The following MYCBPAP variants were observed in gnomAD, a reference collection of about 807,000 sequenced individuals.
MYCBPAP encodes MYCBP associated protein.
Under a neutral mutation model 106.1 loss-of-function variants are expected in MYCBPAP, and 60 were observed. The observed-to-expected ratio is 0.57, with a 90% CI of 0.46 to 0.70. The LOEUF is 0.70. MYCBPAP is among the 30% of genes least tolerant of loss of function. The pLI, the probability that MYCBPAP is intolerant of heterozygous loss-of-function variation, is 0.00. For synonymous variants in MYCBPAP, 407 were observed against 440.6 expected (o/e 0.92, Z 0.95); for missense variants, 1,064 against 1,169.3 (o/e 0.91, Z 1.31).
chr17:50,508,294 A>T, upstream of MYCBPAP: 1 of 407,736 alleles, frequency 2.5e-6, no homozygotes, highest in Non-Finnish European at 4.3e-6. Flanking sequence ...CGGGTCATGC[A>T]CCCCTACCAG....
chr17:50,529,102 G>T lies in MYCBPAP; in HGVS notation c.2638G>T (p.Asp880Tyr). The T allele has an allele frequency of 6.2e-7, 1 of 1,614,020 alleles. No individual in the cohort carries two copies. The highest frequency in any genetic ancestry group is 1.1e-5 in the South Asian group (1 of 91,066). ...SASQDRFSLE[D>Y]PTPDIILSSQ... ...AAGTCAGGACAGGTTTTCTTTGGAA[G>T]ACCCTACCCCTGACATCATCCTCTC... The change falls in exon 18 of 19, where the codon GAC becomes TAC. Residue 880 changes from aspartate (D) to tyrosine (Y), a missense_variant. Transcript: ENST00000323776.
chr17:50,510,576 A>G (rs1253027218), intron 1 of MYCBPAP, among the ~76,000 whole-genome samples: 1 of 140,908 alleles, frequency 7.1e-6, no homozygotes, highest in Non-Finnish European at 1.5e-5. Context: ...CCCGGGATGG[A>G]GTGCCGTGGT....
At chr17:50,527,137 G>T in intron 14 of MYCBPAP, 150 bp from the exon 15 acceptor site, 1 of 1,075,046 alleles carries the variant, frequency 9.3e-7, no homozygotes, top group East Asian at 2.5e-5. Flanking sequence ...GGGGTCCCTG[G>T]CTCCCACCAA....
At chr17:50,518,894 G>C in intron 5 of MYCBPAP, 80 bp from the exon 6 acceptor site, 1 of 1,466,636 alleles carries the variant, frequency 6.8e-7, no homozygotes, top group Non-Finnish European at 9.5e-7. Flanking sequence ...CCCTGTGAGG[G>C]AGGCTGCCCG....
chr17:50,523,124 G>A lies in MYCBPAP; in HGVS notation c.1443G>A (p.Arg481=). Residue 481 remains arginine, a synonymous_variant, in exon 11 of 19, where the codon CGG becomes CGA. Transcript: ENST00000323776. ...NRMQRFYFDN[R]EGVILPGEIK... ...TGCAGCGATTTTACTTTGACAACCG[G>A]GAAGGTACTCGGGAGAAGCCACCCT... 2 of 1,613,250 alleles carry A rather than the reference G, an allele frequency of 1.2e-6. No individual in the cohort carries two copies. Among genetic ancestry groups the A allele is most frequent in the South Asian group, 1.1e-5 (1 of 91,044 alleles).
rs755267050 is a variant in MYCBPAP at position 50,523,701 on chromosome 17, T to G, written c.1552T>G (p.Leu518Val). The G allele has an allele frequency of 1.2e-6, 2 of 1,614,098 alleles. No individual in the cohort carries two copies. Among genetic ancestry groups the G allele is most frequent in the Admixed American group, 1.7e-5 (1 of 60,006 alleles). The change falls in exon 12 of 19, where the codon TTA becomes GTA. Residue 518 changes from leucine to valine, a missense_variant. Coordinates refer to ENST00000323776, the MANE Select transcript of MYCBPAP (RefSeq NM_032133.6). ...GGAGTTTCGAACCCATCCTACTCTA[T>G]TAGGAGGTGCTATACTGCAGGTCAA... The part of the protein sequence containing the change: ...FWEFRTHPTL[L>V]GGAILQVNLH...
chr17:50,527,534 C>A, intron 15 of MYCBPAP, 126 bp downstream of exon 15: 1 of 1,266,868 alleles, frequency 7.9e-7, no homozygotes, highest in Non-Finnish European at 1.1e-6. Context: ...CTAGAGCATG[C>A]CGCAAACATT....
chr17:50,510,932 C>T (rs548037628), intron 1 of MYCBPAP, among the ~76,000 whole-genome samples: 28 of 151,846 alleles, frequency 1.8e-4, no homozygotes, highest in African/African-American at 3.6e-4. Flanking sequence ...TCTGGGAGAT[C>T]GTATCAGATT....
chr17:50,531,260 G>C, intron 18 of MYCBPAP, 67 bp from the exon 19 acceptor site: 2 of 982,576 alleles, frequency 2.0e-6, no homozygotes, highest in Non-Finnish European at 3.0e-6. Flanking sequence ...TTCTCTCACA[G>C]CATAGTTCAT....
chr17:50,521,876 T>G, intron 9 of MYCBPAP, 97 bp from the exon 10 acceptor site: 1 of 1,075,168 alleles, frequency 9.3e-7, no homozygotes, highest in Non-Finnish European at 1.4e-6. Context: ...GTAGAGCTGG[T>G]TGTGTTTCTA....
At chr17:50,517,265 A>T (rs1244812435) in intron 2 of MYCBPAP, 28 bp from the exon 3 acceptor site, 7 of 1,610,286 alleles carry the variant, frequency 4.3e-6, no homozygotes, top group Middle Eastern at 1.6e-4. Flanking sequence ...CCACAGGTGG[A>T]ATTCTCCTTT....
At chr17:50,521,063 G>A in intron 7 of MYCBPAP, 47 bp from the exon 8 acceptor site, 2 of 1,496,122 alleles carry the variant, frequency 1.3e-6, no homozygotes, top group Non-Finnish European at 1.8e-6. Flanking sequence ...GGTGAGCAAG[G>A]GGACATGGCA....
At chr17:50,519,533 C>G in intron 6 of MYCBPAP, 107 bp from the exon 7 acceptor site, 1 of 1,331,080 alleles carries the variant, frequency 7.5e-7, no homozygotes, top group Non-Finnish European at 1.0e-6. Flanking sequence ...ATGAATTCCC[C>G]AGAGGAAGCA....
In MYCBPAP at chr17:50,527,202, C is replaced by T. The variant is rs2034489683; in HGVS notation, c.2170-85C>T. On this transcript the variant is annotated intron_variant, in intron 14 of 18. Transcript: ENST00000323776. Reference sequence around the variant, plus strand: ...TCCCCTCCTGGTTCCTGGTCCCCTGCCACCCATCCCCACATCACCATGCCC... The same window carrying T: ...TCCCCTCCTGGTTCCTGGTCCCCTGTCACCCATCCCCACATCACCATGCCC... 2.6e-6 allele frequency: 4 copies of T among 1,566,606 alleles called. No homozygotes were observed. In the African/African-American group the frequency reaches 4.1e-5, roughly 16 times the overall value.
chr17:50,521,594 T>C (rs531447225), intron 9 of MYCBPAP, among the ~76,000 whole-genome samples, 163 bp downstream of exon 9: 2 of 152,308 alleles, frequency 1.3e-5, no homozygotes, highest in African/African-American at 4.8e-5. Flanking sequence ...CTGTGCTGGC[T>C]TTCCTATTGC....
intron 1 of MYCBPAP, among the ~76,000 whole-genome samples, chr17:50,512,168 C>T (rs189939401): frequency 1.2e-3 from 190 of 152,098 alleles, no homozygotes; most frequent in African/African-American, 4.1e-3. Flanking sequence ...ATTCTCCTGC[C>T]TCAGCCTCCC....
intron 1 of MYCBPAP, among the ~76,000 whole-genome samples, chr17:50,513,598 C>T (rs1452379415): frequency 6.6e-6 from 1 of 152,092 alleles, no homozygotes; most frequent in African/African-American, 2.4e-5. Flanking sequence ...GAGCTTTGGC[C>T]CCCAAAAATC....
intron 13 of MYCBPAP, among the ~76,000 whole-genome samples, chr17:50,525,433 TGA>T (rs2034425619): frequency 6.6e-6 from 1 of 152,198 alleles, no homozygotes; most frequent in South Asian, 2.1e-4. Context: ...GCATCTTCCA[TGA>T]GTAACTCACC....
chr17:50,527,395 C>T lies in MYCBPAP; in HGVS notation c.2278C>T (p.Leu760=), dbSNP rs969160829. Residue 760 remains leucine (L), a synonymous_variant, in exon 15 of 19, where the codon CTG becomes TTG. Transcript: ENST00000323776. ...QKPRPLQSNL[L]HQMCLQLWRD... ...GCCAAGGCCATTGCAGTCCAACCTC[C>T]TGCACCAGATGTGGTAGGTGCCCTG... The T allele has an allele frequency of 4.3e-6, 7 of 1,613,934 alleles. No individual in the cohort carries two copies. In the African/African-American group the frequency reaches 9.3e-5, roughly 22 times the overall value.
Sources: gnomAD v4.1 joint callset for allele counts (sites outside exome capture counted in the v4.1 genomes callset) on GRCh38, gnomAD v4.1.1 for gene constraint, MANE v1.5 for transcripts, NCBI Gene and HGNC (gene_info 2026-07-23, HGNC 2026-07-21) for gene names.